Variants in REC114 observed in about 807,000 individuals in gnomAD.
The protein encoded by REC114 is meiotic recombination protein REC114.
Under a neutral mutation model 31.3 loss-of-function variants are expected in REC114, and 27 were observed. The ratio of observed to expected loss-of-function variants is 0.86; its 90% confidence interval spans 0.64 to 1.19. REC114 has a LOEUF of 1.19. Ranked by LOEUF, REC114 falls within the 50% of genes most tolerant of loss-of-function variation. The probability of loss-of-function intolerance (pLI) is 0.00; values close to 1 mark genes in which losing one functional copy is unlikely to be tolerated. For synonymous variants in REC114, 134 were observed against 127.7 expected (o/e 1.05, Z -0.33); for missense variants, 344 against 326.9 (o/e 1.05, Z -0.40).
At chr15:73,515,468 G>A (rs896272477) in intron 2 of REC114, among the ~76,000 whole-genome samples, 1 of 152,100 alleles carries the variant, frequency 6.6e-6, no homozygotes, top group Non-Finnish European at 1.5e-5. Context: ...CAACTCTTGT[G>A]GGCTTTTAGG....
intron 2 of REC114, among the ~76,000 whole-genome samples, chr15:73,496,782 A>G (rs1893534383): frequency 6.6e-6 from 1 of 152,190 alleles, no homozygotes; most frequent in Non-Finnish European, 1.5e-5. Context: ...ACACAATACT[A>G]CTAACTGATC....
intron 2 of REC114, among the ~76,000 whole-genome samples, chr15:73,530,925 G>A (rs957121757): frequency 6.6e-6 from 1 of 152,070 alleles, no homozygotes; most frequent in Non-Finnish European, 1.5e-5. Context: ...GCCTGGGGAC[G>A]AGGTGCACTG....
chr15:73,464,195 G>A (rs1393936145), intron 1 of REC114, among the ~76,000 whole-genome samples: 4 of 151,138 alleles, frequency 2.6e-5, no homozygotes. Flanking sequence ...TCTCCTGCTT[G>A]CTCTTTTAAA....
intron 3 of REC114, among the ~76,000 whole-genome samples, chr15:73,545,017 C>A (rs1246616601): frequency 6.6e-6 from 1 of 152,202 alleles, no homozygotes; most frequent in African/African-American, 2.4e-5. Context: ...ACTGTGGAGC[C>A]TGTGGCCTAA....
chr15:73,472,792 A>G (rs889509768), intron 1 of REC114, among the ~76,000 whole-genome samples: 1 of 152,162 alleles, frequency 6.6e-6, no homozygotes, highest in African/African-American at 2.4e-5. Context: ...GATCCAATCT[A>G]ACAAGATAAA....
chr15:73,551,018 G>A lies in REC114; in HGVS notation c.414G>A (p.Gln138=). 1.2e-6 allele frequency: 2 copies of A among 1,613,912 alleles called. No individual in the cohort carries two copies. Among genetic ancestry groups the A allele is most frequent in the Non-Finnish European group, 1.7e-6 (2 of 1,179,854 alleles). The change falls in exon 4 of 6, where the codon CAG becomes CAA. Residue 138 remains glutamine, a synonymous_variant. Transcript: ENST00000331090. The part of the protein sequence containing the change: ...QALEHCCSCV[Q]KLAQYITVQV... ...TGGAACACTGCTGCAGTTGTGTTCA[G>A]AAGCTGGCACAATACATAACCGTGC...
At position 73,559,776 on chromosome 15, in the gene REC114, C is replaced by T. The variant is rs368495325; in HGVS notation, c.661C>T (p.Pro221Ser). ...AQTLLASEEL[P>S]HVYEQSAWGA... ...GACTCTTCTGGCATCGGAGGAGCTGCCCCATGTCTATGAACAATCTGCATG... is the reference window on the plus strand; with the variant it reads ...GACTCTTCTGGCATCGGAGGAGCTGTCCCATGTCTATGAACAATCTGCATG... Residue 221 changes from proline to serine, a missense_variant, in exon 6 of 6, where the codon CCC (proline) becomes TCC (serine). Physicochemically the swap from Pro to Ser is moderately conservative, Grantham distance 74. Coordinates refer to ENST00000331090, the MANE Select transcript of REC114 (RefSeq NM_001042367.2). The T allele has an allele frequency of 1.3e-5, 20 of 1,589,052 alleles. No homozygotes were observed. In the African/African-American group the frequency reaches 1.8e-4, roughly 14 times the overall value.
At chr15:73,502,525 G>T (rs2141309258) in intron 2 of REC114, among the ~76,000 whole-genome samples, 1 of 152,172 alleles carries the variant, frequency 6.6e-6, no homozygotes, top group East Asian at 1.9e-4. Context: ...ATAATCATAA[G>T]GAAGAGAAAA....
chr15:73,456,263 A>T (rs1339151319), intron 1 of REC114, among the ~76,000 whole-genome samples: 1 of 152,106 alleles, frequency 6.6e-6, no homozygotes, highest in Admixed American at 6.6e-5. Flanking sequence ...TTGCTTTTAA[A>T]GTTTTACCAT....
At chr15:73,487,489 G>A (rs2141300555) in intron 2 of REC114, among the ~76,000 whole-genome samples, 2 of 152,362 alleles carry the variant, frequency 1.3e-5, no homozygotes, top group East Asian at 1.9e-4. Context: ...TAGGAAGAAA[G>A]GGATAACAGG....
chr15:73,492,585 G>A (rs1279653942), intron 2 of REC114, among the ~76,000 whole-genome samples: 2 of 152,100 alleles, frequency 1.3e-5, no homozygotes, highest in Non-Finnish European at 2.9e-5. Flanking sequence ...TTAAAATGTT[G>A]ATTGTGAATC....
chr15:73,536,167 T>C (rs891781299), intron 2 of REC114, among the ~76,000 whole-genome samples: 1 of 152,076 alleles, frequency 6.6e-6, no homozygotes, highest in Non-Finnish European at 1.5e-5. Context: ...AAAGACAAAA[T>C]TGACAAATGG....
rs753698315 is a variant in REC114, at chr15:73,443,345, G to A, written c.159+1G>A. On this transcript the variant is annotated splice_donor_variant, in intron 1 of 5. Transcript: ENST00000331090. LOFTEE classifies it high-confidence loss of function. ...GACAGCCCCCTGCCCCACATGGAAG[G>A]TGAGGCCCGAAGGCAGGAATATCCC... The A allele has an allele frequency of 2.4e-5, 38 of 1,568,072 alleles. No individual in the cohort carries two copies. The highest frequency in any genetic ancestry group is 3.3e-5 in the Non-Finnish European group (38 of 1,158,150).
chr15:73,459,055 C>G (rs911520410), intron 1 of REC114, among the ~76,000 whole-genome samples: 1 of 152,088 alleles, frequency 6.6e-6, no homozygotes, highest in Non-Finnish European at 1.5e-5. Context: ...ATGTTAATAC[C>G]TAGAACACTG....
At chr15:73,452,683 C>G (rs1200345176) in intron 1 of REC114, among the ~76,000 whole-genome samples, 1 of 152,172 alleles carries the variant, frequency 6.6e-6, no homozygotes, top group Non-Finnish European at 1.5e-5. Flanking sequence ...CAAGACAATC[C>G]TAAGCAAAAA....
At chr15:73,556,232 CT>C (rs748317896) in intron 4 of REC114, 69 bp from the exon 5 acceptor site, 40 of 1,314,930 alleles carry the variant, frequency 3.0e-5, no homozygotes, top group Middle Eastern at 1.8e-4. Context: ...CATATTTCTG[CT>C]CTTTAATGGC....
intron 2 of REC114, among the ~76,000 whole-genome samples, chr15:73,486,603 TAC>T (rs1026507609): frequency 1.3e-5 from 2 of 152,200 alleles, no homozygotes; most frequent in African/African-American, 4.8e-5. Context: ...ATTTATATCT[TAC>T]AGTTTTAGAA....
In REC114 at chr15:73,463,237, T is replaced by C. The variant is rs537985744; in HGVS notation, c.160-10595T>C. ...CCTCACCTCTCTCTCTTCCTTGCGG[T>C]TTAAGAAATCAGGTTGTTCTACAGA... On this transcript the variant is annotated intron_variant, in intron 1 of 5. Coordinates refer to ENST00000331090, the MANE Select transcript of REC114 (RefSeq NM_001042367.2). 2.8e-4 allele frequency among the ~76,000 whole-genome samples: 42 copies of C among 152,316 alleles called. 1 individual carries two copies. In the South Asian group the frequency reaches 8.7e-3, roughly 32 times the overall value.
At chr15:73,492,515 A>C (rs990278733) in intron 2 of REC114, among the ~76,000 whole-genome samples, 8 of 152,298 alleles carry the variant, frequency 5.3e-5, no homozygotes, top group Non-Finnish European at 8.8e-5. Flanking sequence ...AGTGGAATTA[A>C]TGAGTTATAG....
Sources: gnomAD v4.1 joint callset for allele counts (sites outside exome capture counted in the v4.1 genomes callset) on GRCh38, gnomAD v4.1.1 for gene constraint, MANE v1.5 for transcripts, NCBI Gene and HGNC (gene_info 2026-07-23, HGNC 2026-07-21) for gene names.